CFAP52: variants seen among roughly 807,000 people sequenced by gnomAD.
CFAP52 encodes cilia and flagella associated protein 52, also known as cilia- and flagella-associated protein 52.
In CFAP52, 57 loss-of-function variants were observed where a neutral mutation model predicts 70.5. The observed-to-expected ratio is 0.81, with a 90% CI of 0.65 to 1.01. The LOEUF is 1.01. CFAP52 is among the 50% of genes least tolerant of loss of function. CFAP52 has a pLI of 0.00. For synonymous variants in CFAP52, 267 were observed against 292.5 expected (o/e 0.91, Z 0.89); for missense variants, 785 against 788.5 (o/e 1.00, Z 0.05).
chr17:9,603,619 G>C (rs141182119), intron 6 of CFAP52, among the ~76,000 whole-genome samples: 404 of 152,278 alleles, frequency 2.7e-3, no homozygotes, highest in African/African-American at 7.9e-3. Context: ...ATCCCAGCAA[G>C]TTATTTTGTG....
At chr17:9,590,500 C>T (rs1013816504) in intron 3 of CFAP52, 11 of 165,516 alleles carry the variant, frequency 6.6e-5, no homozygotes, top group African/African-American at 1.7e-4. Context: ...GCCACTGCAG[C>T]GAAAGAAAAG....
intron 8 of CFAP52, among the ~76,000 whole-genome samples, chr17:9,626,097 C>T (rs988283307): frequency 2.6e-5 from 4 of 152,154 alleles, no homozygotes; most frequent in Admixed American, 2.6e-4. Context: ...ATGATCCAAT[C>T]AATTGGGTTC....
chr17:9,585,958 T>C lies in CFAP52; in HGVS notation c.256T>C (p.Phe86Leu). 6.2e-7 allele frequency: 1 copy of C among 1,613,718 alleles called. No homozygotes were observed. The highest frequency in any genetic ancestry group is 8.5e-7 in the Non-Finnish European group (1 of 1,179,848). The change falls in exon 2 of 14, where the codon TTC (phenylalanine) becomes CTC (leucine). Residue 86 changes from phenylalanine (F) to leucine (L), a missense_variant. Transcript: ENST00000352665. ...GEYIASGQVT[F>L]MGFKADIILW... ...GTACATCGCCTCCGGACAAGTCACA[T>C]TCATGGGGTTCAAGGTGAATACAGT...
intron 8 of CFAP52, among the ~76,000 whole-genome samples, chr17:9,615,629 T>G (rs189031972): frequency 1.5e-3 from 233 of 152,066 alleles, no homozygotes; most frequent in African/African-American, 5.0e-3. Flanking sequence ...TTGTTTTTTT[T>G]TCTTTTAGGA....
intron 1 of CFAP52, 105 bp from the exon 2 acceptor site, chr17:9,585,668 G>T (rs935704793): frequency 1.7e-6 from 2 of 1,150,208 alleles, no homozygotes; most frequent in Non-Finnish European, 1.3e-6. Flanking sequence ...GCAAGACTCT[G>T]TCACACACAC....
Position 9,635,550 on chromosome 17 carries a change from A to G in CFAP52, c.1466A>G (p.Asp489Gly). The G allele has an allele frequency of 6.2e-7, 1 of 1,614,172 alleles. No homozygotes were observed. The highest frequency in any genetic ancestry group is 1.1e-5 in the South Asian group (1 of 91,086). ...ASTDGTCIIW[D>G]LVRLRRNQMI... The stretch of plus-strand genomic sequence containing the variant: ...ACCGATGGGACTTGTATCATTTGGG[A>G]CCTTGTGTAGGTACCTGTGATGGGG... Residue 489 changes from aspartate to glycine, a missense_variant, in exon 11 of 14, where the codon GAC becomes GGC. By Grantham distance (94) the Asp-to-Gly change is moderately conservative (BLOSUM62 -1). Transcript: ENST00000352665.
intron 11 of CFAP52, among the ~76,000 whole-genome samples, chr17:9,637,521 C>T (rs1452215781): frequency 1.3e-5 from 2 of 152,124 alleles, no homozygotes; most frequent in Admixed American, 1.3e-4. Context: ...GAAGGAGAAG[C>T]GATATTTACA....
intron 7 of CFAP52, among the ~76,000 whole-genome samples, chr17:9,611,302 A>G (rs554418974): frequency 2.0e-5 from 3 of 152,016 alleles, no homozygotes; most frequent in Non-Finnish European, 4.4e-5. Flanking sequence ...TCTGAAATGT[A>G]GAAGAGGAAA....
chr17:9,628,760 G>T lies in CFAP52; in HGVS notation c.1114G>T (p.Val372Leu). 6.2e-7 allele frequency: 1 copy of T among 1,614,160 alleles called. No individual in the cohort carries two copies. Among genetic ancestry groups the T allele is most frequent in the Non-Finnish European group, 8.5e-7 (1 of 1,180,046 alleles). The change falls in exon 9 of 14, where the codon GTG becomes TTG. Residue 372 changes from valine (V) to leucine (L), a missense_variant. Coordinates refer to ENST00000352665, the MANE Select transcript of CFAP52 (RefSeq NM_145054.5). ...SSNRELLRIT[V>L]PNMTCHGIDF... Reference sequence around the variant, plus strand: ...CAACAGGGAGCTGCTGCGGATCACCGTGCCCAACATGACCTGCCACGGCAT... The same window carrying T: ...CAACAGGGAGCTGCTGCGGATCACCTTGCCCAACATGACCTGCCACGGCAT...
chr17:9,641,745 G>A lies in CFAP52; in HGVS notation c.1597G>A (p.Asp533Asn), dbSNP rs550957969. Reference sequence around the variant, plus strand: ...CCAGATTGCTTACTGGGAAGTATTTGATGGGACAGTAATCAGAGAATTGGA... The same window carrying A: ...CCAGATTGCTTACTGGGAAGTATTTAATGGGACAGTAATCAGAGAATTGGA... The part of the protein sequence containing the change: ...DRKIAYWEVF[D>N]GTVIRELEGS... The change falls in exon 13 of 14, where the codon GAT (aspartate) becomes AAT (asparagine). Residue 533 changes from aspartate (D) to asparagine (N), a missense_variant. Coordinates refer to ENST00000352665, the MANE Select transcript of CFAP52 (RefSeq NM_145054.5). The A allele has an allele frequency of 6.2e-7, 1 of 1,613,744 alleles. No individual in the cohort carries two copies. Among genetic ancestry groups the A allele is most frequent in the African/African-American group, 1.3e-5 (1 of 75,026 alleles).
chr17:9,631,164 A>G (rs1461293175), intron 9 of CFAP52, among the ~76,000 whole-genome samples: 3 of 151,930 alleles, frequency 2.0e-5, no homozygotes, highest in Non-Finnish European at 4.4e-5. Context: ...CTCTAAGAGT[A>G]AATGACAAAG....
intron 1 of CFAP52, among the ~76,000 whole-genome samples, chr17:9,582,417 C>G (rs955685258): frequency 1.3e-5 from 2 of 152,154 alleles, no homozygotes; most frequent in African/African-American, 4.8e-5. Context: ...GAGGTTGCAT[C>G]TCTTTTTGTA....
At position 9,612,410 on chromosome 17, in the gene CFAP52, T is replaced by G. The variant is rs1285298010; in HGVS notation, c.956T>G (p.Phe319Cys). The part of the protein sequence containing the change: ...TEESHIYRVS[F>C]TDFKETLIAT... ...GAATCGCACATTTATCGTGTCAGCT[T>G]CACGGATTTCAAAGAGACGCTCATA... is the stretch of plus-strand genomic sequence containing the variant. The change falls in exon 8 of 14, where the codon TTC becomes TGC. Residue 319 changes from phenylalanine to cysteine, a missense_variant. Phe to Cys is a radical substitution (Grantham distance 205, BLOSUM62 -2). Transcript: ENST00000352665. 1 of 1,614,234 alleles carries G rather than the reference T, an allele frequency of 6.2e-7. No homozygotes were observed. The highest frequency in any genetic ancestry group is 1.1e-5 in the South Asian group (1 of 91,086).
At chr17:9,586,856 C>A in intron 3 of CFAP52, 22 bp downstream of exon 3, 1 of 1,562,972 alleles carries the variant, frequency 6.4e-7, no homozygotes, top group East Asian at 2.3e-5. Context: ...AACATAGTTA[C>A]TTATTTTCTT....
At chr17:9,577,522 A>G (rs1336314531) in intron 1 of CFAP52, among the ~76,000 whole-genome samples, 2 of 152,222 alleles carry the variant, frequency 1.3e-5, no homozygotes, top group Non-Finnish European at 2.9e-5. Flanking sequence ...TTTTAGGAGA[A>G]GCAAAACTTT....
chr17:9,607,230 C>T (rs1250995629), intron 6 of CFAP52, among the ~76,000 whole-genome samples: 4 of 152,176 alleles, frequency 2.6e-5, no homozygotes, highest in Admixed American at 1.3e-4. Context: ...CCTATAATCC[C>T]AGCTACTCTG....
chr17:9,588,045 A>G (rs1358378497), intron 3 of CFAP52, among the ~76,000 whole-genome samples: 1 of 152,212 alleles, frequency 6.6e-6, no homozygotes, highest in Non-Finnish European at 1.5e-5. Context: ...GCTTCCCAGT[A>G]CTGTGTTGAA....
chr17:9,640,120 C>CT (rs1166979943), intron 12 of CFAP52, among the ~76,000 whole-genome samples: 1 of 152,090 alleles, frequency 6.6e-6, no homozygotes, highest in Non-Finnish European at 1.5e-5. Context: ...GGAATACAGA[C>CT]TCCTGGCAGA....
At chr17:9,583,047 G>A (rs75953015) in intron 1 of CFAP52, among the ~76,000 whole-genome samples, 4,420 of 152,230 alleles carry the variant, frequency 0.029, 237 homozygotes, top group African/African-American at 0.1. Flanking sequence ...TGTACACACT[G>A]TCTTGTTTTT....
Sources: gnomAD v4.1 joint callset for allele counts (sites outside exome capture counted in the v4.1 genomes callset) on GRCh38, gnomAD v4.1.1 for gene constraint, MANE v1.5 for transcripts, NCBI Gene and HGNC (gene_info 2026-07-23, HGNC 2026-07-21) for gene names.